The following FGF13 variants were observed in gnomAD, a reference collection of about 807,000 sequenced individuals.
FGF13 encodes fibroblast growth factor 13.
A neutral mutation model predicts 19.5 loss-of-function variants in FGF13; 2 were observed. The observed-to-expected ratio is 0.10, with a 90% confidence interval of 0.04 to 0.32. FGF13 has a LOEUF of 0.32. Among genes scored for constraint, FGF13 ranks in the 10% least tolerant of loss-of-function variants. The pLI is 1.00. For synonymous variants in FGF13, 72 were observed against 76.9 expected, an observed-to-expected ratio of 0.94 and a Z score of 0.33; for missense variants, 113 against 192.7, an observed-to-expected ratio of 0.59 and a Z score of 2.45.
Position 138,632,884 on chromosome X carries a change from C to A in FGF13, c.704G>T (p.Gly235Val). Residue 235 changes from glycine to valine, a missense_variant, in exon 5 of 5, where the codon GGA becomes GTA. Physicochemically the swap from Gly to Val is moderately radical, Grantham distance 109. Transcript: ENST00000315930. ...KSRSVSGVLN[G>V]GKSMSHNEST ...TTCATTGTGGCTCATGGATTTGCCTCCGTTCAGCACGCCAGAGACACTTCT... is the reference window on the plus strand; with the variant it reads ...TTCATTGTGGCTCATGGATTTGCCTACGTTCAGCACGCCAGAGACACTTCT... 1 of 1,209,891 alleles carries A rather than the reference C, an allele frequency of 8.3e-7. No individual in the cohort carries two copies. The highest frequency in any genetic ancestry group is 2.3e-4 in the Middle Eastern group (1 of 4,332).
At position 138,907,032 on chromosome X, in the gene FGF13, G is replaced by T. The variant is rs575784293; in HGVS notation, c.-112-42382C>A. 1.5e-4 allele frequency among the ~76,000 whole-genome samples: 17 copies of T among 111,744 alleles called. No individual in the cohort carries two copies. The Admixed American group carries it at 1.6e-3, about 11-fold the overall frequency. On this transcript the variant is annotated intron_variant, in intron 1 of 2. Coordinates refer to the FGF13 transcript ENST00000421460. ...CACTAACGTGCTGTGTAACAAAGAG[G>T]CTGCCTGGCTCTCCATCCCATTTAT...
chrX:139,196,265 T>C (rs1333100097), intron 1 of FGF13, among the ~76,000 whole-genome samples: 1 of 112,172 alleles, frequency 8.9e-6, no homozygotes, highest in Non-Finnish European at 1.9e-5. Flanking sequence ...TCAGATGCAG[T>C]TGCAAAAGAA....
chrX:139,094,749 C>T (rs1175278917), intron 1 of FGF13, among the ~76,000 whole-genome samples: 3 of 112,380 alleles, frequency 2.7e-5, no homozygotes, highest in Admixed American at 9.4e-5. Flanking sequence ...CAGCCTGGGA[C>T]GTTCCATCAA....
chrX:138,735,752 C>G (rs1011933724), intron 1 of FGF13, among the ~76,000 whole-genome samples: 2 of 111,908 alleles, frequency 1.8e-5, no homozygotes, highest in African/African-American at 6.5e-5. Context: ...ATAAGCTTAG[C>G]AAGCTTTGGT....
chrX:138,741,648 C>T (rs1421908507), upstream of FGF13, among the ~76,000 whole-genome samples: 1 of 111,210 alleles, frequency 9.0e-6, no homozygotes, highest in African/African-American at 3.3e-5. Context: ...TGGAAGAAAG[C>T]AATCTGATTA....
intron 3 of FGF13, among the ~76,000 whole-genome samples, chrX:138,831,373 GCATGAGACTC>G (rs1569406423): frequency 9.0e-6 from 1 of 110,993 alleles, no homozygotes; most frequent in Non-Finnish European, 1.9e-5. Flanking sequence ...AAAGCTACAG[GCATGAGACTC>G]CAAATTGTGA....
At chrX:139,092,098 T>G (rs1356776240) in intron 1 of FGF13, among the ~76,000 whole-genome samples, 1 of 111,104 alleles carries the variant, frequency 9.0e-6, no homozygotes, top group Non-Finnish European at 1.9e-5. Flanking sequence ...CTAAATGAAA[T>G]AGAGAAATGC....
chrX:138,668,395 A>C lies in FGF13; in HGVS notation c.403-32740T>G, dbSNP rs1330190162. ...CAGATATTATGTATCATTTATTATG[A>C]TGCTGCAGCCTGCTTAAAATCAGGA... On this transcript the variant is annotated intron_variant, in intron 3 of 4. Transcript: ENST00000315930. 5.4e-5 allele frequency among the ~76,000 whole-genome samples: 6 copies of C among 111,038 alleles called. No individual in the cohort carries two copies. In the East Asian group the frequency reaches 1.7e-3, roughly 32 times the overall value.
upstream of FGF13, among the ~76,000 whole-genome samples, chrX:138,713,914 C>T (rs1396757656): frequency 9.0e-6 from 1 of 111,419 alleles, no homozygotes; most frequent in Non-Finnish European, 1.9e-5. Context: ...CTCATGGAAC[C>T]ACTGGGCCAA....
intron 3 of FGF13, among the ~76,000 whole-genome samples, chrX:138,797,101 T>C (rs1313517846): frequency 8.9e-6 from 1 of 111,923 alleles, no homozygotes; most frequent in Non-Finnish European, 1.9e-5. Context: ...TGCAATTGCT[T>C]TTGATGTTTT....
intron 3 of FGF13, among the ~76,000 whole-genome samples, chrX:138,678,875 T>C (rs1052764663): frequency 6.2e-5 from 7 of 112,073 alleles, no homozygotes. Context: ...AAGTTGCACT[T>C]CTAAGCTAAA....
intron 1 of FGF13, among the ~76,000 whole-genome samples, chrX:139,114,903 A>G (rs2083628290): frequency 8.9e-6 from 1 of 112,196 alleles, no homozygotes; most frequent in Non-Finnish European, 1.9e-5. Flanking sequence ...TGGAAGAAAG[A>G]AGAAACTATA....
At chrX:138,754,787 G>A (rs1381868851) in intron 3 of FGF13, among the ~76,000 whole-genome samples, 2 of 111,499 alleles carry the variant, frequency 1.8e-5, no homozygotes, top group Admixed American at 9.6e-5. Flanking sequence ...AGATGCCTAT[G>A]TGATCAGTCC....
intron 3 of FGF13, among the ~76,000 whole-genome samples, chrX:138,828,566 T>C (rs1222712276): frequency 1.7e-3 from 155 of 89,124 alleles, no homozygotes; most frequent in African/African-American, 6.5e-3. Context: ...CGAGACTCCG[T>C]CTCAAAAAAA....
chrX:138,948,422 G>A (rs2091792744), intron 1 of FGF13, among the ~76,000 whole-genome samples: 1 of 111,958 alleles, frequency 8.9e-6, no homozygotes, highest in African/African-American at 3.2e-5. Context: ...AGTGTAGGCT[G>A]CAAGAGTGAA....
At chrX:138,707,958 G>A (rs905804916) in intron 2 of FGF13, among the ~76,000 whole-genome samples, 2 of 112,091 alleles carry the variant, frequency 1.8e-5, no homozygotes, top group Admixed American at 1.9e-4. Context: ...GAATATTAAT[G>A]CGAAATTATC....
intron 1 of FGF13, among the ~76,000 whole-genome samples, chrX:139,049,991 AC>A (rs1349591330): frequency 1.8e-5 from 2 of 111,775 alleles, no homozygotes; most frequent in Non-Finnish European, 3.8e-5. Context: ...ACCACATTTT[AC>A]TTTTCTAGAA....
chrX:139,196,894 T>TACTG (rs2084376670), intron 1 of FGF13, among the ~76,000 whole-genome samples: 1 of 112,435 alleles, frequency 8.9e-6, no homozygotes, highest in Non-Finnish European at 1.9e-5. Context: ...GCTCAGAAAA[T>TACTG]ACTATTTTTA....
upstream of FGF13, among the ~76,000 whole-genome samples, chrX:138,712,728 G>A (rs886384269): frequency 4.5e-5 from 5 of 111,907 alleles, no homozygotes; most frequent in African/African-American, 6.5e-5. Context: ...AAGCAAAATA[G>A]AGCAGCTCTA....
Sources: gnomAD v4.1 joint callset for allele counts (sites outside exome capture counted in the v4.1 genomes callset) on GRCh38, gnomAD v4.1.1 for gene constraint, MANE v1.5 for transcripts, NCBI Gene and HGNC (gene_info 2026-07-23, HGNC 2026-07-21) for gene names.